The following KHDC1 variants were observed in gnomAD, a reference collection of about 807,000 sequenced individuals.
The protein encoded by KHDC1 is KH domain containing 1, also known as KH homology domain-containing protein 1.
A neutral mutation model predicts 24.7 loss-of-function variants in KHDC1; 21 were observed. The observed-to-expected ratio is 0.85, with a 90% CI of 0.60 to 1.23. The LOEUF (loss-of-function observed/expected upper bound fraction) is 1.23. Ranked by LOEUF, KHDC1 falls within the 50% of genes most tolerant of loss-of-function variation. The probability of loss-of-function intolerance (pLI) is 0.00; values close to 1 mark genes in which losing one functional copy is unlikely to be tolerated. For synonymous variants in KHDC1, 98 were observed against 111.7 expected, an observed-to-expected ratio of 0.88 and a Z score of 0.77; for missense variants, 274 against 298.5, an observed-to-expected ratio of 0.92 and a Z score of 0.61.
At chr6:73,255,592 C>T (rs540618455) in intron 2 of KHDC1, among the ~76,000 whole-genome samples, 69 of 147,652 alleles carry the variant, frequency 4.7e-4, no homozygotes, top group Non-Finnish European at 6.2e-4. Context: ...GGGATCATTG[C>T]TTGCGGTCAT....
intron 1 of KHDC1, among the ~76,000 whole-genome samples, chr6:73,294,956 C>T (rs573535): frequency 0.68 from 102,898 of 151,966 alleles, 38,488 homozygotes; most frequent in Non-Finnish European, 0.83. Context: ...GAGTTAGAGA[C>T]CAGCCTGGTC....
chr6:73,272,255 C>T (rs1767192811), intron 2 of KHDC1, among the ~76,000 whole-genome samples: 1 of 151,560 alleles, frequency 6.6e-6, no homozygotes, highest in African/African-American at 2.4e-5. Context: ...TCTCTGCCTC[C>T]CAGGTTCAAG....
At chr6:73,289,289 G>A (rs1464613243) in intron 2 of KHDC1, among the ~76,000 whole-genome samples, 1 of 122,322 alleles carries the variant, frequency 8.2e-6, no homozygotes, top group Non-Finnish European at 1.6e-5. Context: ...AGCGAAGATT[G>A]CACCACTGCA....
At chr6:73,287,477 G>T (rs751869034) in intron 2 of KHDC1, among the ~76,000 whole-genome samples, 1 of 152,186 alleles carries the variant, frequency 6.6e-6, no homozygotes, top group African/African-American at 2.4e-5. Context: ...AGATGATTAG[G>T]CTGGAAGCAG....
At chr6:73,251,795 T>C (rs1486058698) in intron 2 of KHDC1, among the ~76,000 whole-genome samples, 1 of 150,086 alleles carries the variant, frequency 6.7e-6, no homozygotes, top group Non-Finnish European at 1.5e-5. Flanking sequence ...TTTTCTTTTC[T>C]TTTCTTTTTT....
intron 2 of KHDC1, among the ~76,000 whole-genome samples, chr6:73,247,010 T>C (rs1766680775): frequency 6.6e-6 from 1 of 151,896 alleles, no homozygotes. Flanking sequence ...AGAGTTTTGC[T>C]ATTGTTGCCC....
At chr6:73,281,716 A>G (rs901278011) in intron 2 of KHDC1, among the ~76,000 whole-genome samples, 7 of 152,034 alleles carry the variant, frequency 4.6e-5, no homozygotes, top group African/African-American at 1.4e-4. Context: ...CCTATTATTA[A>G]CATCTTATAT....
At chr6:73,298,642 G>A (rs1055272943) in intron 1 of KHDC1, among the ~76,000 whole-genome samples, 11 of 151,678 alleles carry the variant, frequency 7.3e-5, no homozygotes, top group East Asian at 5.8e-4. Context: ...CACCATGTCC[G>A]TCAGGGTCAG....
chr6:73,241,738 A>G lies in KHDC1; in HGVS notation c.515-10T>C. 1 of 1,614,012 alleles carries G rather than the reference A, an allele frequency of 6.2e-7. No individual in the cohort carries two copies. ...TCCAGCATCTCCAGGCCTGCAAAAT[A>G]AGTGCCCAGGGCTAATGAACCAGGG... On this transcript the variant is annotated splice_polypyrimidine_tract_variant and intron_variant, in intron 4 of 4. Coordinates refer to ENST00000370384, the Ensembl canonical transcript of KHDC1.
At chr6:73,292,235 G>A in intron 1 of KHDC1, 1 of 1,411,616 alleles carries the variant, frequency 7.1e-7, no homozygotes, top group South Asian at 1.2e-5. Flanking sequence ...AGAACTAATT[G>A]TGAAAATGTT....
intron 2 of KHDC1, among the ~76,000 whole-genome samples, chr6:73,249,355 G>C (rs964592323): frequency 2.0e-5 from 3 of 152,064 alleles, no homozygotes; most frequent in African/African-American, 7.2e-5. Flanking sequence ...ACTGGGTAGG[G>C]GTGGCTGCCA....
Position 73,298,423 on chromosome 6 carries a change from A to ATTTTTTTTTTTTTTTTTTTTTTT in KHDC1, c.164-6406_164-6384dup, listed in dbSNP as rs370446904. 3.3e-5 allele frequency among the ~76,000 whole-genome samples: 2 copies of ATTTTTTTTTTTTTTTTTTTTTTT among 59,976 alleles called. 1 individual carries two copies. The highest frequency in any genetic ancestry group is 1.5e-4 in the African/African-American group (2 of 13,290). 39.3% of individuals were successfully genotyped at this position (59,976 alleles called of 152,430 possible). On this transcript the variant is annotated intron_variant, in intron 1 of 4. Coordinates refer to ENST00000370384, the Ensembl canonical transcript of KHDC1. Reference sequence around the variant, plus strand: ...CCTGGAAGGACTCTATACTTTGCAAATTTTTTTTTTTTTTTTTTTTTTTTT... The same window carrying ATTTTTTTTTTTTTTTTTTTTTTT: ...CCTGGAAGGACTCTATACTTTGCAAATTTTTTTTTTTTTTTTTTTTTTTTTTTTTTTTTTTTTTTTTTTTTTTT...
chr6:73,259,280 CTTTTTTTT>C (rs59935884), intron 2 of KHDC1, among the ~76,000 whole-genome samples: 6 of 73,258 alleles, frequency 8.2e-5, no homozygotes, highest in African/African-American at 1.3e-4. Flanking sequence ...ATCCAATATG[CTTTTTTTT>C]TTTTTTTTTT....
At chr6:73,280,811 T>G (rs1346012085) in intron 2 of KHDC1, among the ~76,000 whole-genome samples, 1 of 150,840 alleles carries the variant, frequency 6.6e-6, no homozygotes, top group Non-Finnish European at 1.5e-5. Context: ...TGAGCCACCA[T>G]GCCCAACCTA....
intron 2 of KHDC1, among the ~76,000 whole-genome samples, chr6:73,289,963 G>A (rs1249165850): frequency 1.4e-5 from 2 of 138,812 alleles, no homozygotes; most frequent in Non-Finnish European, 1.6e-5. Context: ...AGCCGGGCGC[G>A]GTGGCGGGCG....
At chr6:73,256,823 C>T (rs1210752793) in intron 2 of KHDC1, among the ~76,000 whole-genome samples, 1 of 152,184 alleles carries the variant, frequency 6.6e-6, no homozygotes, top group Non-Finnish European at 1.5e-5. Context: ...TGAACTGGAA[C>T]CCAACTCTCC....
At chr6:73,266,652 CTG>C (rs1216599891) in intron 2 of KHDC1, among the ~76,000 whole-genome samples, 1 of 152,176 alleles carries the variant, frequency 6.6e-6, no homozygotes, top group Non-Finnish European at 1.5e-5. Context: ...AAATGTAAAA[CTG>C]TTAGAAGAAA....
chr6:73,301,816 A>G (rs1156489553), intron 1 of KHDC1, among the ~76,000 whole-genome samples: 2 of 151,762 alleles, frequency 1.3e-5, no homozygotes, highest in Non-Finnish European at 2.9e-5. Flanking sequence ...TTTATATAAG[A>G]GAGAGGGACC....
intron 2 of KHDC1, among the ~76,000 whole-genome samples, chr6:73,272,120 T>C (rs1004594491): frequency 2.0e-5 from 3 of 151,660 alleles, no homozygotes; most frequent in Admixed American, 1.3e-4. Flanking sequence ...GAAAAAACTT[T>C]TGATCATGCA....
Sources: allele counts gnomAD v4.1 joint callset (sites outside exome capture counted in the v4.1 genomes callset), GRCh38; gene constraint gnomAD v4.1.1; transcripts MANE v1.5; gene names NCBI Gene and HGNC (gene_info 2026-07-23, HGNC 2026-07-21).